Variants in ZNF677 observed in about 807,000 individuals in gnomAD.
ZNF677 encodes zinc finger protein 677.
Under a neutral mutation model 8.1 loss-of-function variants are expected in ZNF677, and 5 were observed. The ratio of observed to expected loss-of-function variants is 0.62; its 90% CI spans 0.32 to 1.29. ZNF677 has a LOEUF of 1.29. Ranked by LOEUF, ZNF677 falls within the 50% of genes most tolerant of loss-of-function variation. The pLI is 0.05. For synonymous variants in ZNF677, 221 were observed against 225.6 expected, an observed-to-expected ratio of 0.98 and a Z score of 0.18; for missense variants, 685 against 685.9, an observed-to-expected ratio of 1.00 and a Z score of 0.01.
chr19:53,249,304 T>C (rs2091196337), intron 3 of ZNF677: 1 of 152,340 alleles, frequency 6.6e-6, no homozygotes, highest in South Asian at 2.1e-4. Context: ...AAGCCAGTAA[T>C]CATGCTTCAA....
chr19:53,244,044 G>T, intron 3 of ZNF677, 147 bp from the exon 4 acceptor site: 1 of 738,638 alleles, frequency 1.4e-6, no homozygotes, highest in Non-Finnish European at 2.1e-6. Flanking sequence ...TTTTTAAACT[G>T]AGATGAAATT....
chr19:53,242,510 C>A (rs1599918443), intron 4 of ZNF677: 2 of 397,684 alleles, frequency 5.0e-6, no homozygotes, highest in East Asian at 7.1e-5. Flanking sequence ...CAAGTCTTTA[C>A]ATTAATGCTG....
intron 3 of ZNF677, among the ~76,000 whole-genome samples, chr19:53,250,821 A>G (rs977418916): frequency 6.6e-6 from 1 of 152,174 alleles, no homozygotes; most frequent in Non-Finnish European, 1.5e-5. Context: ...AATTAAGAAA[A>G]ATAATAAATT....
At chr19:53,242,509 A>G (rs2091068883) in intron 4 of ZNF677, 1 of 397,836 alleles carries the variant, frequency 2.5e-6, no homozygotes, top group Non-Finnish European at 4.4e-6. Flanking sequence ...TCAAGTCTTT[A>G]CATTAATGCT....
chr19:53,251,583 GTTTC>G lies in ZNF677; in HGVS notation c.-37_-34del. 6.2e-7 allele frequency: 1 copy of G among 1,613,478 alleles called. No individual in the cohort carries two copies. The highest frequency in any genetic ancestry group is 8.5e-7 in the Non-Finnish European group (1 of 1,179,706). On this transcript the variant is annotated 5_prime_UTR_variant, in exon 3 of 5. Coordinates refer to ENST00000598513, the MANE Select transcript of ZNF677 (RefSeq NM_182609.4). ...TCTTCTTTCTTTCCTCTTCCTCTGA[GTTTC>G]TTTCTCAGGTAAGTCAGTCTGTATG...
rs534773175 is a variant in ZNF677, at chr19:53,243,286, T to A, written c.169+458A>T. 105 of 179,468 alleles carry A rather than the reference T, an allele frequency of 5.9e-4. 1 individual carries two copies. The highest frequency in any genetic ancestry group is 2.4e-3 in the African/African-American group (100 of 42,364). The allele number at this position is 179,468 out of a possible 1,614,324, so 11.1% of individuals were successfully genotyped here. A position where few individuals can be genotyped will look rare whatever the true frequency, so the allele number is the denominator to read the frequency against. ...AGAAAAAAAGGAACATGGTATGCTG[T>A]GCTTTTCCTGGATACATTCCCAGCC... On this transcript the variant is annotated intron_variant, in intron 4 of 4. Coordinates refer to ENST00000598513, the MANE Select transcript of ZNF677 (RefSeq NM_182609.4).
intron 3 of ZNF677, among the ~76,000 whole-genome samples, chr19:53,244,860 G>A (rs993588924): frequency 4.6e-5 from 7 of 152,100 alleles, no homozygotes; most frequent in Non-Finnish European, 8.8e-5. Context: ...TATTACAAAG[G>A]TATGGTAATC....
chr19:53,238,663 A>T (rs1646298015), intron 4 of ZNF677, 106 bp from the exon 5 acceptor site: 2 of 1,103,772 alleles, frequency 1.8e-6, no homozygotes, highest in Admixed American at 6.1e-5. Context: ...CAATGAACAG[A>T]GTTATGAAGC....
intron 3 of ZNF677, among the ~76,000 whole-genome samples, chr19:53,247,620 T>C (rs559713525): frequency 6.6e-6 from 1 of 152,304 alleles, no homozygotes; most frequent in Admixed American, 6.5e-5. Flanking sequence ...CAGGACTGTA[T>C]CTCCTTGTAA....
rs200123735 is a variant in ZNF677, at chr19:53,251,535, C to T, written c.15+1G>A. The T allele has an allele frequency of 2.5e-6, 4 of 1,613,444 alleles. No homozygotes were observed. Among genetic ancestry groups the T allele is most frequent in the East Asian group, 2.2e-5 (1 of 44,856 alleles). On this transcript the variant is annotated splice_donor_variant, in intron 3 of 4. Transcript: ENST00000598513. LOFTEE classifies it high-confidence loss of function. ...CAGTGAACCAAGAATATAACTTTTA[C>T]CTGAGAAAGAGCCATTCCCTCCTCT...
intron 4 of ZNF677, chr19:53,240,080 T>C (rs2091024915): frequency 6.6e-6 from 1 of 152,230 alleles, no homozygotes; most frequent in Non-Finnish European, 1.5e-5. Context: ...TCACCTTATC[T>C]TGCACAAGTT....
At position 53,253,170 on chromosome 19, in the gene ZNF677, GGAAGA is replaced by G. The variant is rs2146974363; in HGVS notation, c.-126-19_-126-15del. 2 of 152,298 alleles carry G rather than the reference GGAAGA, an allele frequency of 1.3e-5. No individual in the cohort carries two copies. The highest frequency in any genetic ancestry group is 3.9e-4 in the East Asian group (2 of 5,178). The allele number at this position is 152,298 out of a possible 1,614,324, so 9.4% of individuals were successfully genotyped here. On this transcript the variant is annotated splice_polypyrimidine_tract_variant and intron_variant, in intron 1 of 4. Coordinates refer to ENST00000598513, the MANE Select transcript of ZNF677 (RefSeq NM_182609.4). ...ATATTGTGTGGGCTGCAGTGGAAAA[GGAAGA>G]GAAGAGGTTCATTTTGCTGTGTCAG...
At position 53,236,118 on chromosome 19, in the gene ZNF677, T is replaced by G. The variant is rs1260930408; in HGVS notation, c.*854A>C. 2 of 152,228 alleles carry G rather than the reference T, an allele frequency of 1.3e-5. No individual in the cohort carries two copies. The highest frequency in any genetic ancestry group is 2.9e-5 in the Non-Finnish European group (2 of 68,104). 9.4% of individuals were successfully genotyped at this position (152,228 alleles called of 1,614,324 possible). A position where few individuals can be genotyped will look rare whatever the true frequency, so the allele number is the denominator to read the frequency against. On this transcript the variant is annotated 3_prime_UTR_variant, in exon 5 of 5. Coordinates refer to ENST00000598513, the MANE Select transcript of ZNF677 (RefSeq NM_182609.4). ...ACTCGTGAGGCTGAGGCAGGAGAATTGCTTGAACCCGGGAGACAGAGGTTG... is the reference window on the plus strand; with the variant it reads ...ACTCGTGAGGCTGAGGCAGGAGAATGGCTTGAACCCGGGAGACAGAGGTTG...
intron 4 of ZNF677, chr19:53,241,934 C>CTTT: frequency 2.9e-6 from 1 of 350,202 alleles, no homozygotes; most frequent in Non-Finnish European, 4.9e-6. Context: ...TTTTCTTTTT[C>CTTT]TTTTTTTTTT....
intron 3 of ZNF677, among the ~76,000 whole-genome samples, chr19:53,248,455 C>T (rs565418276): frequency 6.6e-6 from 1 of 152,270 alleles, no homozygotes; most frequent in East Asian, 1.9e-4. Context: ...TGTCCTTTTA[C>T]TTCAGCCTAA....
At chr19:53,249,942 A>G (rs8104393) in intron 3 of ZNF677, among the ~76,000 whole-genome samples, 112,777 of 152,002 alleles carry the variant, frequency 0.74, 42,452 homozygotes, top group African/African-American at 0.87. Flanking sequence ...GCACAATCTT[A>G]GTTCACTGCA....
intron 2 of ZNF677, among the ~76,000 whole-genome samples, chr19:53,252,487 T>C (rs948288184): frequency 1.3e-5 from 2 of 152,234 alleles, no homozygotes; most frequent in African/African-American, 4.8e-5. Context: ...CAAAGGTTTG[T>C]CCTTATTTCC....
chr19:53,237,451 G>A lies in ZNF677; in HGVS notation c.1276C>T (p.Pro426Ser), dbSNP rs761714870. Residue 426 changes from proline (P) to serine (S), a missense_variant, in exon 5 of 5, where the codon CCT becomes TCT. By Grantham distance (74) the Pro-to-Ser change is moderately conservative. Coordinates refer to ENST00000598513, the MANE Select transcript of ZNF677 (RefSeq NM_182609.4). ...SHLTRHQNIH[P>S]GEKPHKCNVC... Reference sequence around the variant, plus strand: ...TTACATTTGTGTGGTTTCTCTCCAGGATGTATATTCTGATGCCTAGTGAGA... The same window carrying A: ...TTACATTTGTGTGGTTTCTCTCCAGAATGTATATTCTGATGCCTAGTGAGA... The A allele has an allele frequency of 1.1e-5, 18 of 1,613,214 alleles. No individual in the cohort carries two copies. Among genetic ancestry groups the A allele is most frequent in the Non-Finnish European group, 1.4e-5 (16 of 1,179,806 alleles).
chr19:53,249,504 T>C (rs368619825), intron 3 of ZNF677: 1 of 152,184 alleles, frequency 6.6e-6, no homozygotes, highest in African/African-American at 2.4e-5. Flanking sequence ...AACAAAGACA[T>C]ACAGTATACA....
Sources: gnomAD v4.1 joint callset for allele counts (sites outside exome capture counted in the v4.1 genomes callset) on GRCh38, gnomAD v4.1.1 for gene constraint, MANE v1.5 for transcripts, NCBI Gene and HGNC (gene_info 2026-07-23, HGNC 2026-07-21) for gene names.